Variants in METTL25 observed in about 807,000 individuals in gnomAD.
The protein encoded by METTL25 is probable methyltransferase-like protein 25.
Under a neutral mutation model 71.6 loss-of-function variants are expected in METTL25, and 64 were observed. The ratio of observed to expected loss-of-function variants is 0.89; its 90% CI spans 0.73 to 1.10. The LOEUF (loss-of-function observed/expected upper bound fraction) is 1.10. Among genes scored for constraint, METTL25 ranks in the 50% least tolerant of loss-of-function variants. The pLI is 0.00. For missense variants in METTL25, 807 were observed against 707.0 expected, an observed-to-expected ratio of 1.14 and a Z score of -1.60; for synonymous variants, 287 against 250.3, an observed-to-expected ratio of 1.15 and a Z score of -1.38.
chr12:82,470,200 CTATAT>C (rs1355876186), intron 9 of METTL25, among the ~76,000 whole-genome samples: 2 of 152,132 alleles, frequency 1.3e-5, no homozygotes, highest in African/African-American at 4.8e-5. Context: ...TTTCTTATTT[CTATAT>C]TATAACTCCA....
At chr12:82,468,787 G>A (rs1436140163) in intron 9 of METTL25, 3 of 152,250 alleles carry the variant, frequency 2.0e-5, no homozygotes, top group African/African-American at 7.2e-5. Context: ...TTGTGCACAG[G>A]GGGTGGTTCA....
Position 82,403,004 on chromosome 12 carries a change from C to T in METTL25, c.1153C>T (p.His385Tyr). The change falls in exon 5 of 12, where the codon CAC becomes TAC. Residue 385 changes from histidine (H) to tyrosine (Y), a missense_variant. Physicochemically the swap from His to Tyr is moderately conservative, Grantham distance 83. Coordinates refer to ENST00000248306, the MANE Select transcript of METTL25 (RefSeq NM_032230.3). The part of the protein sequence containing the change: ...DLEDCLMVGL[H>Y]TCGDLAPNTL... The stretch of plus-strand genomic sequence containing the variant: ...AAAGGATTGTTTGATGGTGGGTCTC[C>T]ACACTTGTGGTGATCTGGCTCCAAA... 6.2e-7 allele frequency: 1 copy of T among 1,608,872 alleles called. No individual in the cohort carries two copies. Among genetic ancestry groups the T allele is most frequent in the South Asian group, 1.1e-5 (1 of 90,012 alleles).
intron 7 of METTL25, among the ~76,000 whole-genome samples, chr12:82,435,379 A>T (rs1889840687): frequency 6.6e-6 from 1 of 151,434 alleles, no homozygotes; most frequent in Non-Finnish European, 1.5e-5. Flanking sequence ...ATAATTTAAA[A>T]AATAATTTTA....
chr12:82,431,610 T>G (rs1005410922), intron 6 of METTL25, among the ~76,000 whole-genome samples: 2 of 151,642 alleles, frequency 1.3e-5, no homozygotes, highest in African/African-American at 4.8e-5. Context: ...GTGCTCTTAC[T>G]GCACACACAC....
At chr12:82,477,155 G>T in intron 10 of METTL25, 126 bp from the exon 11 acceptor site, 2 of 493,350 alleles carry the variant, frequency 4.1e-6, no homozygotes, top group East Asian at 3.0e-5. Context: ...AGATGTACCT[G>T]GATTTTGGAG....
intron 8 of METTL25, among the ~76,000 whole-genome samples, chr12:82,445,363 T>C (rs1890664632): frequency 6.6e-6 from 1 of 152,058 alleles, no homozygotes; most frequent in South Asian, 2.1e-4. Context: ...TCAAGAGAAA[T>C]GTAAACTAAT....
intron 1 of METTL25, among the ~76,000 whole-genome samples, chr12:82,375,263 A>G (rs1025650855): frequency 1.3e-5 from 2 of 152,070 alleles, no homozygotes; most frequent in Non-Finnish European, 2.9e-5. Flanking sequence ...ATGAGGGTGG[A>G]GCACTCATGA....
At chr12:82,390,170 T>C (rs1885440459) in intron 3 of METTL25, among the ~76,000 whole-genome samples, 1 of 152,094 alleles carries the variant, frequency 6.6e-6, no homozygotes, top group Non-Finnish European at 1.5e-5. Context: ...CATTTCATTC[T>C]TTTCAGAGTG....
At chr12:82,453,666 G>A (rs1286053642) in intron 8 of METTL25, among the ~76,000 whole-genome samples, 1 of 152,040 alleles carries the variant, frequency 6.6e-6, no homozygotes, top group Admixed American at 6.6e-5. Context: ...TTCTTCAGTA[G>A]CTCTCTATTT....
chr12:82,443,515 T>G (rs1449168883), intron 8 of METTL25, among the ~76,000 whole-genome samples: 1 of 146,524 alleles, frequency 6.8e-6, no homozygotes. Context: ...AAAAATAACC[T>G]CAAAAGAGTA....
chr12:82,426,773 A>C (rs1486234986), intron 5 of METTL25, among the ~76,000 whole-genome samples: 1 of 151,912 alleles, frequency 6.6e-6, no homozygotes, highest in Non-Finnish European at 1.5e-5. Context: ...TGGAAACAAG[A>C]GGGATCCCAG....
chr12:82,402,307 A>G (rs1454741703), intron 4 of METTL25, among the ~76,000 whole-genome samples: 3 of 152,152 alleles, frequency 2.0e-5, no homozygotes, highest in Admixed American at 1.3e-4. Flanking sequence ...ACAATATTTT[A>G]TAAGGTTTTG....
At chr12:82,442,921 T>A (rs183910362) in intron 8 of METTL25, among the ~76,000 whole-genome samples, 9 of 151,642 alleles carry the variant, frequency 5.9e-5, no homozygotes, top group Admixed American at 2.6e-4. Flanking sequence ...AATTTATGGA[T>A]AGTCTTAACA....
intron 1 of METTL25, among the ~76,000 whole-genome samples, chr12:82,363,119 A>G (rs969417586): frequency 6.6e-6 from 1 of 152,186 alleles, no homozygotes; most frequent in African/African-American, 2.4e-5. Context: ...CAGGAGATAC[A>G]AAAGGTCTGA....
intron 8 of METTL25, among the ~76,000 whole-genome samples, chr12:82,451,713 G>A (rs1006293920): frequency 5.9e-5 from 9 of 151,810 alleles, no homozygotes; most frequent in Middle Eastern, 3.2e-3. Flanking sequence ...GTCTCATTTG[G>A]GATTTAAGTG....
At chr12:82,409,737 G>T (rs182580531) in intron 5 of METTL25, among the ~76,000 whole-genome samples, 1 of 152,176 alleles carries the variant, frequency 6.6e-6, no homozygotes, top group South Asian at 2.1e-4. Flanking sequence ...TCGAAAGCCT[G>T]CAGGCTTAAC....
chr12:82,404,817 G>A (rs1211910138), intron 5 of METTL25, among the ~76,000 whole-genome samples: 1 of 152,012 alleles, frequency 6.6e-6, no homozygotes, highest in Non-Finnish European at 1.5e-5. Flanking sequence ...GGTGGTGGAC[G>A]CCTGTAATCG....
intron 5 of METTL25, among the ~76,000 whole-genome samples, chr12:82,419,746 CT>C (rs61505608): frequency 0.92 from 138,994 of 151,124 alleles, 64,297 homozygotes; most frequent in East Asian, 1. Context: ...AAAGGGAACC[CT>C]TTTACACTGT....
chr12:82,431,097 A>G (rs1248715774), intron 6 of METTL25, 110 bp downstream of exon 6: 1 of 567,966 alleles, frequency 1.8e-6, no homozygotes, highest in Non-Finnish European at 3.1e-6. Context: ...ACATCCCATT[A>G]ATGCTTTTGT....
Sources: gnomAD v4.1 joint callset for allele counts (sites outside exome capture counted in the v4.1 genomes callset) on GRCh38, gnomAD v4.1.1 for gene constraint, MANE v1.5 for transcripts, NCBI Gene and HGNC (gene_info 2026-07-23, HGNC 2026-07-21) for gene names.